Variants in GNG7 observed in about 807,000 individuals in gnomAD.
GNG7 encodes G protein subunit gamma 7.
A neutral mutation model predicts 4.0 loss-of-function variants in GNG7; 1 was observed. The ratio of observed to expected loss-of-function variants is 0.25; its 90% confidence interval spans 0.09 to 1.18. The LOEUF is 1.18. GNG7 is among the 50% of genes most tolerant of loss of function. GNG7 has a pLI of 0.50. For synonymous variants in GNG7, 34 were observed against 36.9 expected (o/e 0.92, Z 0.29); for missense variants, 86 against 91.9 (o/e 0.94, Z 0.26).
chr19:2,651,557 C>G (rs1477870038), intron 1 of GNG7, among the ~76,000 whole-genome samples: 2 of 139,590 alleles, frequency 1.4e-5, no homozygotes, highest in Non-Finnish European at 1.5e-5. Flanking sequence ...CTCTCCCTTT[C>G]TCTCTCTCTC....
At chr19:2,604,212 C>G (rs868812838) in intron 2 of GNG7, among the ~76,000 whole-genome samples, 1 of 151,944 alleles carries the variant, frequency 6.6e-6, no homozygotes, top group Middle Eastern at 3.4e-3. Flanking sequence ...ATAATATGCC[C>G]GTCTCCCAGC....
intron 2 of GNG7, among the ~76,000 whole-genome samples, chr19:2,577,966 T>A (rs570969107): frequency 2.5e-4 from 38 of 151,128 alleles, no homozygotes; most frequent in Middle Eastern, 3.4e-3. Flanking sequence ...GCCCCTCGAG[T>A]AGCTGGGACC....
chr19:2,693,823 T>C (rs181818071), intron 1 of GNG7, among the ~76,000 whole-genome samples: 2 of 152,170 alleles, frequency 1.3e-5, no homozygotes, highest in Admixed American at 6.5e-5. Flanking sequence ...ACCAGATAAA[T>C]GCGTCAAGGG....
chr19:2,588,228 G>T (rs528364961), intron 2 of GNG7, among the ~76,000 whole-genome samples: 2 of 152,284 alleles, frequency 1.3e-5, no homozygotes, highest in South Asian at 4.1e-4. Flanking sequence ...CTTGGTGGGG[G>T]CGTGAGAGGG....
At chr19:2,573,555 A>G (rs111678841) in intron 2 of GNG7, among the ~76,000 whole-genome samples, 11,690 of 151,942 alleles carry the variant, frequency 0.077, 749 homozygotes, top group African/African-American at 0.17. Context: ...GGTGGCTCAC[A>G]CCTGTAATCC....
At chr19:2,595,802 C>T (rs1166564333) in intron 2 of GNG7, among the ~76,000 whole-genome samples, 2 of 151,796 alleles carry the variant, frequency 1.3e-5, no homozygotes, top group East Asian at 1.9e-4. Context: ...ATGTACAATG[C>T]ACTCCATATG....
At chr19:2,569,737 C>A (rs1265128691) in intron 2 of GNG7, among the ~76,000 whole-genome samples, 1 of 152,152 alleles carries the variant, frequency 6.6e-6, no homozygotes, top group Non-Finnish European at 1.5e-5. Context: ...CTGGCTTCCA[C>A]TCACTCCATG....
At chr19:2,558,170 T>C (rs1979625076) in intron 2 of GNG7, among the ~76,000 whole-genome samples, 2 of 151,900 alleles carry the variant, frequency 1.3e-5, no homozygotes, top group African/African-American at 4.8e-5. Flanking sequence ...TGGCTGGAAA[T>C]ACTGCTTTTC....
intron 2 of GNG7, among the ~76,000 whole-genome samples, chr19:2,601,601 A>C (rs1454474181): frequency 6.6e-6 from 1 of 152,108 alleles, no homozygotes; most frequent in African/African-American, 2.4e-5. Flanking sequence ...CCGATGTCAG[A>C]TTTTTATTGA....
At chr19:2,672,070 GAT>G (rs1983469551) in intron 1 of GNG7, among the ~76,000 whole-genome samples, 1 of 71,986 alleles carries the variant, frequency 1.4e-5, no homozygotes, top group Non-Finnish European at 3.0e-5. Context: ...AAAAAAAAAA[GAT>G]GGAGTCTCGC....
At chr19:2,627,563 C>T (rs74631976) in intron 2 of GNG7, among the ~76,000 whole-genome samples, 2,360 of 152,346 alleles carry the variant, frequency 0.015, 52 homozygotes, top group African/African-American at 0.053. Context: ...TTCTGTCACT[C>T]CCGGCTGATT....
chr19:2,694,236 T>TG (rs568947069), intron 1 of GNG7, among the ~76,000 whole-genome samples: 2,549 of 147,698 alleles, frequency 0.017, 86 homozygotes, highest in African/African-American at 0.058. Context: ...TGCTTTTTTT[T>TG]GGGGGGGGGC....
At chr19:2,641,475 T>C (rs1982504570) in intron 2 of GNG7, among the ~76,000 whole-genome samples, 1 of 151,718 alleles carries the variant, frequency 6.6e-6, no homozygotes, top group East Asian at 1.9e-4. Flanking sequence ...AAACAGAGAC[T>C]GGAAGAGGCT....
chr19:2,689,151 C>CAATA (rs982497672), intron 1 of GNG7, among the ~76,000 whole-genome samples: 2 of 141,320 alleles, frequency 1.4e-5, no homozygotes, highest in East Asian at 2.0e-4. Flanking sequence ...TAAATACATA[C>CAATA]AATAAATAAA....
At chr19:2,695,450 C>G (rs1014592305) in intron 1 of GNG7, among the ~76,000 whole-genome samples, 1 of 152,156 alleles carries the variant, frequency 6.6e-6, no homozygotes, top group East Asian at 1.9e-4. Context: ...ACGTGGTGCT[C>G]CCAGGGCCTG....
chr19:2,623,876 A>G (rs1351009522), intron 2 of GNG7, among the ~76,000 whole-genome samples: 2 of 152,092 alleles, frequency 1.3e-5, no homozygotes, highest in Non-Finnish European at 1.5e-5. Flanking sequence ...GCGAGACTGC[A>G]TCTAAAAGAA....
Position 2,660,131 on chromosome 19 carries a change from C to T in GNG7, c.-134-13851G>A, listed in dbSNP as rs1311987501. On this transcript the variant is annotated intron_variant, in intron 1 of 4. Transcript: ENST00000382159. ...CGGATTACTCACAGAACCTGCCATC[C>T]GTGGAAGGCAGATTAGCCTAGGATG... Among the ~76,000 whole-genome samples, 5 of 152,238 alleles carry T rather than the reference C, an allele frequency of 3.3e-5. No individual in the cohort carries two copies. In the East Asian group the frequency reaches 5.8e-4, roughly 18 times the overall value.
In GNG7 at chr19:2,612,706, A is replaced by ATTTTTTTTTTTTTT. The variant is rs1568262802; in HGVS notation, c.-78+33517_-78+33518insAAAAAAAAAAAAAA. On this transcript the variant is annotated intron_variant, in intron 2 of 4. Transcript: ENST00000382159. ...TTAGAATTTTTTTTTTTTTTTGAGA[A>ATTTTTTTTTTTTTT]ATTTTTTTTTTTTTTTTGAGAGTCT... is the stretch of plus-strand genomic sequence containing the variant. Among the ~76,000 whole-genome samples, 986 of 118,334 alleles carry ATTTTTTTTTTTTTT rather than the reference A, an allele frequency of 8.3e-3. 85 individuals carry two copies. Among genetic ancestry groups the ATTTTTTTTTTTTTT allele is most frequent in the African/African-American group, 0.043 (933 of 21,516 alleles). 77.6% of individuals were successfully genotyped at this position (118,334 alleles called of 152,430 possible).
At chr19:2,638,825 A>C (rs905555444) in intron 2 of GNG7, among the ~76,000 whole-genome samples, 21 of 152,202 alleles carry the variant, frequency 1.4e-4, no homozygotes, top group Non-Finnish European at 2.9e-5. Context: ...AATTTCAAGT[A>C]GTTCAGAATT....
Sources: gnomAD v4.1 joint callset for allele counts (sites outside exome capture counted in the v4.1 genomes callset) on GRCh38, gnomAD v4.1.1 for gene constraint, MANE v1.5 for transcripts, NCBI Gene and HGNC (gene_info 2026-07-23, HGNC 2026-07-21) for gene names.